PPM1L: variants seen among roughly 807,000 people sequenced by gnomAD.
PPM1L encodes the protein protein phosphatase 1L.
PPM1L carries 13 observed loss-of-function variants against 31.4 expected under a neutral mutation model. That is an observed-to-expected ratio of 0.41 (90% CI 0.27 to 0.66). PPM1L has a LOEUF of 0.66. Ranked by LOEUF, PPM1L falls within the 30% of genes least tolerant of loss-of-function variation. PPM1L has a pLI of 0.29. For synonymous variants in PPM1L, 184 were observed against 175.4 expected (o/e 1.05, Z -0.39); for missense variants, 326 against 453.7 (o/e 0.72, Z 2.56).
At chr3:160,929,953 G>GA (rs1241518211) in intron 1 of PPM1L, among the ~76,000 whole-genome samples, 1 of 152,160 alleles carries the variant, frequency 6.6e-6, no homozygotes, top group Non-Finnish European at 1.5e-5. Flanking sequence ...AGGGGCACAT[G>GA]CCAGGCTTCC....
rs1222571405 is a variant in PPM1L, at chr3:161,069,004, T to C, written c.930T>C (p.Asn310=). The stretch of plus-strand genomic sequence containing the variant: ...ATGGTCTCTGGGATGCTTTCAGCAA[T>C]GAAGAAGCAGTTCGATTCATCAAGG... The part of the protein sequence containing the change: ...ASDGLWDAFS[N]EEAVRFIKER... The change falls in exon 4 of 4, where the codon AAT becomes AAC. Residue 310 remains asparagine (N), a synonymous_variant. Transcript: ENST00000498165. The C allele has an allele frequency of 1.2e-6, 2 of 1,614,186 alleles. No individual in the cohort carries two copies. Among genetic ancestry groups the C allele is most frequent in the Non-Finnish European group, 1.7e-6 (2 of 1,180,034 alleles).
At chr3:160,836,648 T>C (rs2108101768) in intron 1 of PPM1L, among the ~76,000 whole-genome samples, 1 of 152,354 alleles carries the variant, frequency 6.6e-6, no homozygotes, top group South Asian at 2.1e-4. Flanking sequence ...CTGTAGTTCC[T>C]GCCTTGTATA....
chr3:161,001,205 C>A (rs1717468324), intron 2 of PPM1L, among the ~76,000 whole-genome samples: 1 of 151,912 alleles, frequency 6.6e-6, no homozygotes, highest in African/African-American at 2.4e-5. Flanking sequence ...GGCTAGATTG[C>A]AAAACAAAAC....
intron 2 of PPM1L, among the ~76,000 whole-genome samples, chr3:160,972,056 C>T (rs753016699): frequency 3.9e-5 from 6 of 152,198 alleles, no homozygotes; most frequent in Non-Finnish European, 8.8e-5. Context: ...GAATGAGCCA[C>T]CACTCACAGA....
At chr3:161,062,065 A>G (rs1719588582) in intron 2 of PPM1L, among the ~76,000 whole-genome samples, 1 of 151,892 alleles carries the variant, frequency 6.6e-6, no homozygotes, top group African/African-American at 2.4e-5. Context: ...GATGGCTGCC[A>G]CACTTCTGGG....
In PPM1L at chr3:160,845,138, TTATC is replaced by T. The variant is rs372122540; in HGVS notation, c.399+88435_399+88438del. On this transcript the variant is annotated intron_variant, in intron 1 of 3. Coordinates refer to ENST00000498165, the MANE Select transcript of PPM1L (RefSeq NM_139245.4). ...TTAATATGAATATATAAGATTTTGTTTATCTATTCATTAGTTTATGGACATTTGA... is the reference window on the plus strand; with the variant it reads ...TTAATATGAATATATAAGATTTTGTTTATTCATTAGTTTATGGACATTTGA... Among the ~76,000 whole-genome samples, 101 of 152,298 alleles carry T rather than the reference TTATC, an allele frequency of 6.6e-4. No individual in the cohort carries two copies. In the East Asian group the frequency reaches 0.012, roughly 18 times the overall value.
At position 161,076,992 on chromosome 3, in the gene PPM1L, A is replaced by C. The variant is rs951103852; in HGVS notation, c.*7835A>C. ...TCTTTCCTTTTTTGTGTGAGCATCT[A>C]CTATGTGCCAGGCAGTGACTGTGTC... On this transcript the variant is annotated 3_prime_UTR_variant, in exon 4 of 4. Coordinates refer to ENST00000498165, the MANE Select transcript of PPM1L (RefSeq NM_139245.4). 4 of 152,146 alleles carry C rather than the reference A, an allele frequency of 2.6e-5. No individual in the cohort carries two copies. Among genetic ancestry groups the C allele is most frequent in the African/African-American group, 9.7e-5 (4 of 41,422 alleles). The allele number at this position is 152,146 out of a possible 1,614,324, so 9.4% of individuals were successfully genotyped here. A position where few individuals can be genotyped will look rare whatever the true frequency, so the allele number is the denominator to read the frequency against.
At chr3:161,066,756 G>A (rs1719753309) in intron 3 of PPM1L, among the ~76,000 whole-genome samples, 1 of 152,086 alleles carries the variant, frequency 6.6e-6, no homozygotes, top group Admixed American at 6.5e-5. Context: ...TTGCTGTCTG[G>A]GTTAATCTGC....
chr3:160,920,309 A>C (rs948952497), intron 1 of PPM1L, among the ~76,000 whole-genome samples: 4 of 152,084 alleles, frequency 2.6e-5, no homozygotes. Context: ...CTAGGGCCCA[A>C]CTGCACTCCC....
At chr3:161,061,009 C>T (rs1244132409) in intron 2 of PPM1L, among the ~76,000 whole-genome samples, 1 of 151,942 alleles carries the variant, frequency 6.6e-6, no homozygotes, top group Non-Finnish European at 1.5e-5. Flanking sequence ...TTCATTTTCT[C>T]TTGGGCATAA....
chr3:160,979,343 T>G (rs1185302882), intron 2 of PPM1L, among the ~76,000 whole-genome samples: 1 of 151,958 alleles, frequency 6.6e-6, no homozygotes, highest in Non-Finnish European at 1.5e-5. Context: ...GGACACCATC[T>G]CATCCCCATG....
At chr3:161,022,439 T>C in intron 2 of PPM1L, 1 of 303,504 alleles carries the variant, frequency 3.3e-6, no homozygotes, top group Non-Finnish European at 5.9e-6. Flanking sequence ...CTTTTTAAAT[T>C]AAAATCCTGC....
Position 161,028,511 on chromosome 3 carries a change from G to T in PPM1L, c.575-36892G>T, listed in dbSNP as rs1718472097. On this transcript the variant is annotated intron_variant, in intron 2 of 3. Coordinates refer to ENST00000498165, the MANE Select transcript of PPM1L (RefSeq NM_139245.4). ...AGGTAGAAGAAGAAGCTTCTGCAAA[G>T]TAGACAGTAAAAAGAACCAAACAGA... Among the ~76,000 whole-genome samples, 3 of 152,138 alleles carry T rather than the reference G, an allele frequency of 2.0e-5. No homozygotes were observed. The South Asian group carries it at 6.2e-4, about 31-fold the overall frequency.
chr3:160,965,798 A>C (rs1005750481), intron 2 of PPM1L, among the ~76,000 whole-genome samples: 13 of 152,196 alleles, frequency 8.5e-5, no homozygotes, highest in African/African-American at 2.9e-4. Flanking sequence ...ATTAGTTAGA[A>C]GATATCTTGG....
chr3:160,950,233 A>G (rs571433565), intron 1 of PPM1L, among the ~76,000 whole-genome samples: 1 of 152,302 alleles, frequency 6.6e-6, no homozygotes, highest in Admixed American at 6.5e-5. Flanking sequence ...ACTTGCTCAC[A>G]CTAAGACTGA....
chr3:161,013,725 A>G (rs923915695), intron 2 of PPM1L, among the ~76,000 whole-genome samples: 2 of 152,180 alleles, frequency 1.3e-5, no homozygotes, highest in Non-Finnish European at 2.9e-5. Context: ...GAGTGCATAT[A>G]TATTTAGGAT....
chr3:161,064,571 A>G (rs1463619379), intron 2 of PPM1L, among the ~76,000 whole-genome samples: 1 of 152,180 alleles, frequency 6.6e-6, no homozygotes, highest in Non-Finnish European at 1.5e-5. Flanking sequence ...AGGTATTTGC[A>G]TATTGAGTGA....
rs1407039726 is a variant in PPM1L, at chr3:161,077,717, T to A, written c.*8560T>A. 2.6e-5 allele frequency: 4 copies of A among 152,244 alleles called. No individual in the cohort carries two copies. In the East Asian group the frequency reaches 7.7e-4, roughly 29 times the overall value. 9.4% of individuals were successfully genotyped at this position (152,244 alleles called of 1,614,324 possible). On this transcript the variant is annotated 3_prime_UTR_variant, in exon 4 of 4. Transcript: ENST00000498165. ...AACAGAAGACTAAATGTCATTTTTT[T>A]AAATCATAAATTTGGTATCCATAGT...
At chr3:160,786,695 A>G (rs575880890) in intron 1 of PPM1L, among the ~76,000 whole-genome samples, 2 of 151,872 alleles carry the variant, frequency 1.3e-5, no homozygotes, top group African/African-American at 2.4e-5. Context: ...TCCATCACCC[A>G]GGTAGTGAGC....
Sources: allele counts gnomAD v4.1 joint callset (sites outside exome capture counted in the v4.1 genomes callset), GRCh38; gene constraint gnomAD v4.1.1; transcripts MANE v1.5; gene names NCBI Gene and HGNC (gene_info 2026-07-23, HGNC 2026-07-21).